TSPAN8: variants seen among roughly 807,000 people sequenced by gnomAD.
TSPAN8 encodes the protein tetraspanin-8.
Under a neutral mutation model 32.8 loss-of-function variants are expected in TSPAN8, and 21 were observed. That is an observed-to-expected ratio of 0.64 (90% confidence interval 0.45 to 0.92). The LOEUF is 0.92. Ranked by LOEUF, TSPAN8 falls within the 40% of genes least tolerant of loss-of-function variation. The pLI, the probability that TSPAN8 is intolerant of heterozygous loss-of-function variation, is 0.00. For missense variants in TSPAN8, 269 were observed against 281.9 expected (o/e 0.95, Z 0.33); for synonymous variants, 95 against 94.6 (o/e 1.00, Z -0.03).
At chr12:71,148,406 C>CT (rs1164831717) in intron 2 of TSPAN8, among the ~76,000 whole-genome samples, 3 of 152,220 alleles carry the variant, frequency 2.0e-5, no homozygotes, top group East Asian at 1.9e-4. Context: ...TGCTTGTTTT[C>CT]TTTTTTGTCA....
intron 2 of TSPAN8, among the ~76,000 whole-genome samples, chr12:71,150,496 T>A (rs1872217246): frequency 6.9e-6 from 1 of 144,806 alleles, no homozygotes; most frequent in African/African-American, 2.8e-5. Context: ...CAGGTGGGCA[T>A]CACGGTCCTA....
intron 3 of TSPAN8, 147 bp from the exon 4 acceptor site, chr12:71,139,995 C>T (rs1871850037): frequency 3.6e-6 from 1 of 281,470 alleles, no homozygotes; most frequent in African/African-American, 6.1e-5. Flanking sequence ...AAGTACAAAT[C>T]CTTGCCCTCA....
At position 71,139,742 on chromosome 12, in the gene TSPAN8, G is replaced by A. The variant is rs1246465919; in HGVS notation, c.230C>T (p.Ala77Val). ...AAGCATGCAGCGACTTTCTTTTATAGCACCGCAGCATCCCAGGAAGCCCAG... is the reference window on the plus strand; with the variant it reads ...AAGCATGCAGCGACTTTCTTTTATAACACCGCAGCATCCCAGGAAGCCCAG... ...MILGFLGCCG[A>V]IKESRCMLLL... is the part of the protein sequence containing the mutation. The change falls in exon 4 of 9, where the codon GCT becomes GTT. Residue 77 changes from alanine to valine, a missense_variant. Ala to Val is a moderately conservative substitution (Grantham distance 64). Coordinates refer to ENST00000247829, the MANE Select transcript of TSPAN8 (RefSeq NM_004616.3). 4 of 1,613,792 alleles carry A rather than the reference G, an allele frequency of 2.5e-6. No homozygotes were observed. The highest frequency in any genetic ancestry group is 3.4e-6 in the Non-Finnish European group (4 of 1,179,890).
chr12:71,137,838 A>C (rs1871753045), intron 6 of TSPAN8, 115 bp downstream of exon 6: 1 of 883,074 alleles, frequency 1.1e-6, no homozygotes. Flanking sequence ...CAGAATAATC[A>C]ATCAAAATCT....
rs767047292 is a variant in TSPAN8, at chr12:71,139,819, G to A, written c.153C>T (p.Ser51=). 5.0e-6 allele frequency: 8 copies of A among 1,612,844 alleles called. No homozygotes were observed. In the East Asian group the frequency reaches 1.1e-4, roughly 22 times the overall value. ...AIFGSEDVGS[S]SYVAVDILIA... ...TCAATATGTCCACAGCAACGTAGGAGCTAGAGCCTACATCTTCAGAACCAA... is the reference window on the plus strand; with the variant it reads ...TCAATATGTCCACAGCAACGTAGGAACTAGAGCCTACATCTTCAGAACCAA... Residue 51 remains serine, a synonymous_variant, in exon 4 of 9, where the codon AGC becomes AGT. Coordinates refer to ENST00000247829, the MANE Select transcript of TSPAN8 (RefSeq NM_004616.3).
At chr12:71,134,966 C>A (rs1871633330) in intron 6 of TSPAN8, among the ~76,000 whole-genome samples, 1 of 152,138 alleles carries the variant, frequency 6.6e-6, no homozygotes, top group Non-Finnish European at 1.5e-5. Flanking sequence ...TACAACGCCT[C>A]TAGACAAATA....
intron 6 of TSPAN8, among the ~76,000 whole-genome samples, chr12:71,135,231 G>GAAA (rs376769562): frequency 2.2e-4 from 10 of 46,242 alleles, no homozygotes; most frequent in Admixed American, 3.5e-4. Context: ...GGAAGAAGAA[G>GAAA]GAGGAGGAGG....
In TSPAN8 at chr12:71,137,943, T is replaced by C. The variant is rs200076056; in HGVS notation, c.444+10A>G. On this transcript the variant is annotated intron_variant, in intron 6 of 8. Coordinates refer to ENST00000247829, the MANE Select transcript of TSPAN8 (RefSeq NM_004616.3). ...CCAACTCTTTAAAATGAACAATGAA[T>C]TCTAATTACCTCTTCTTGAAACACA... 131 of 1,606,188 alleles carry C rather than the reference T, an allele frequency of 8.2e-5. No individual in the cohort carries two copies. In the African/African-American group the frequency reaches 1.6e-3, roughly 19 times the overall value.
At chr12:71,154,088 C>A (rs567420527) in intron 2 of TSPAN8, among the ~76,000 whole-genome samples, 38 of 152,122 alleles carry the variant, frequency 2.5e-4, no homozygotes, top group African/African-American at 8.7e-4. Flanking sequence ...GTAGATGGAT[C>A]ACCTGAGGTC....
intron 2 of TSPAN8, among the ~76,000 whole-genome samples, chr12:71,147,229 A>G (rs1872105124): frequency 1.3e-5 from 2 of 152,210 alleles, no homozygotes; most frequent in South Asian, 4.1e-4. Flanking sequence ...GGGGGAAGAT[A>G]CCATCCAGAA....
At chr12:71,144,241 G>C in intron 2 of TSPAN8, 28 bp from the exon 3 acceptor site, 1 of 1,598,352 alleles carries the variant, frequency 6.3e-7, no homozygotes, top group Non-Finnish European at 8.5e-7. Context: ...CAAACAAAAA[G>C]AATACAATTA....
At position 71,125,106 on chromosome 12, in the gene TSPAN8, A is replaced by G; in HGVS notation, c.*228T>C. The stretch of plus-strand genomic sequence containing the variant: ...GACATAGAAAAGCACCAACGTAAAC[A>G]GTTACTTTTATTTTGAGTAAAAATA... On this transcript the variant is annotated 3_prime_UTR_variant, in exon 9 of 9. Coordinates refer to ENST00000247829, the MANE Select transcript of TSPAN8 (RefSeq NM_004616.3). The G allele has an allele frequency of 2.3e-6, 1 of 439,888 alleles. No individual in the cohort carries two copies. The highest frequency in any genetic ancestry group is 3.6e-5 in the South Asian group (1 of 27,902). 27.2% of individuals were successfully genotyped at this position (439,888 alleles called of 1,614,324 possible).
chr12:71,156,863 G>A (rs572843113), intron 2 of TSPAN8: 31 of 152,188 alleles, frequency 2.0e-4, no homozygotes, highest in African/African-American at 6.7e-4. Flanking sequence ...AAATGATAAG[G>A]TCAATGTCCC....
At chr12:71,148,879 T>G (rs140400349) in intron 2 of TSPAN8, among the ~76,000 whole-genome samples, 9 of 152,330 alleles carry the variant, frequency 5.9e-5, no homozygotes, top group Non-Finnish European at 1.0e-4. Context: ...AATTTTATTT[T>G]CTCTTATGGC....
chr12:71,132,626 A>G, intron 7 of TSPAN8, 67 bp downstream of exon 7: 3 of 1,549,704 alleles, frequency 1.9e-6, no homozygotes. Flanking sequence ...AATTTTTTGT[A>G]GGGACTTTAA....
intron 4 of TSPAN8, among the ~76,000 whole-genome samples, chr12:71,138,674 C>T (rs1056180788): frequency 6.6e-6 from 1 of 152,118 alleles, no homozygotes; most frequent in Non-Finnish European, 1.5e-5. Flanking sequence ...TTCAGATATG[C>T]TGAATCATAA....
At chr12:71,131,861 T>C (rs2137047295) in intron 7 of TSPAN8, among the ~76,000 whole-genome samples, 1 of 151,990 alleles carries the variant, frequency 6.6e-6, no homozygotes, top group South Asian at 2.1e-4. Context: ...CCCATCTCTA[T>C]CCAAGAGATA....
intron 2 of TSPAN8, among the ~76,000 whole-genome samples, chr12:71,151,115 G>C (rs963875653): frequency 6.6e-6 from 1 of 150,680 alleles, no homozygotes; most frequent in African/African-American, 2.5e-5. Context: ...CCAGGCTGGA[G>C]TGCAGTGGCG....
At chr12:71,156,250 C>CAAAAAAAAAAAAAAAAAAAAAAAAAAAAA (rs763217771) in intron 2 of TSPAN8, among the ~76,000 whole-genome samples, 22 of 24,362 alleles carry the variant, frequency 9.0e-4, no homozygotes, top group African/African-American at 1.6e-3. Flanking sequence ...CAAAGTTCTC[C>CAAAAAAAAAAAAAAAAAAAAAAAAAAAAA]AAAAAAAAAA....
Sources: gnomAD v4.1 joint callset for allele counts (sites outside exome capture counted in the v4.1 genomes callset) on GRCh38, gnomAD v4.1.1 for gene constraint, MANE v1.5 for transcripts, NCBI Gene and HGNC (gene_info 2026-07-23, HGNC 2026-07-21) for gene names.